Variants in TMPRSS3 observed in about 807,000 individuals in gnomAD.
TMPRSS3 encodes transmembrane protease serine 3.
In TMPRSS3, 55 loss-of-function variants were observed where a neutral mutation model predicts 59.6. That is an observed-to-expected ratio of 0.92 (90% CI 0.74 to 1.16). The LOEUF is 1.16. TMPRSS3 is among the 50% of genes most tolerant of loss of function. The pLI, the probability that TMPRSS3 is intolerant of heterozygous loss-of-function variation, is 0.00. For missense variants in TMPRSS3, 596 were observed against 579.4 expected, an observed-to-expected ratio of 1.03 and a Z score of -0.29; for synonymous variants, 257 against 237.7, an observed-to-expected ratio of 1.08 and a Z score of -0.75.
Position 42,376,531 on chromosome 21 carries a change from G to A in TMPRSS3, c.1191+10C>T, listed in dbSNP as rs201451028. On this transcript the variant is annotated intron_variant, in intron 11 of 12. Coordinates refer to ENST00000644384, the MANE Select transcript of TMPRSS3 (RefSeq NM_001256317.3). ...CTGCCACGGCCTCGCCCACCGCTGC[G>A]GCCCCGTACCTGGCAGCTGTCCACG... 3.1e-4 allele frequency: 501 copies of A among 1,612,762 alleles called. 4 individuals are homozygous for A. Among genetic ancestry groups the A allele is most frequent in the South Asian group, 3.0e-3 (274 of 91,052 alleles).
At position 42,385,392 on chromosome 21, in the gene TMPRSS3, A is replaced by G; in HGVS notation, c.572+17T>C. ...ACTCGATACCTGTGCAGACAACAGC[A>G]TCGCCTGACCACCTACCTCACATAT... On this transcript the variant is annotated intron_variant, in intron 6 of 12. Transcript: ENST00000644384. The G allele has an allele frequency of 1.2e-6, 2 of 1,613,760 alleles. No individual in the cohort carries two copies. The highest frequency in any genetic ancestry group is 1.7e-6 in the Non-Finnish European group (2 of 1,179,878).
intron 6 of TMPRSS3, among the ~76,000 whole-genome samples, chr21:42,385,149 T>C (rs924397159): frequency 8.9e-5 from 12 of 135,320 alleles, no homozygotes; most frequent in African/African-American, 3.4e-4. Flanking sequence ...GCCTGTCACA[T>C]GACAGTACAT....
Position 42,372,987 on chromosome 21 carries a change from G to T in TMPRSS3, c.1345-208C>A, listed in dbSNP as rs574746403. Among the ~76,000 whole-genome samples the T allele has an allele frequency of 1.7e-4, 26 of 152,242 alleles. No individual in the cohort carries two copies. In the South Asian group the frequency reaches 3.5e-3, roughly 21 times the overall value. On this transcript the variant is annotated intron_variant, in intron 12 of 12. Coordinates refer to ENST00000644384, the MANE Select transcript of TMPRSS3 (RefSeq NM_001256317.3). ...GCTCCAACCAGCAATGCATCCGCAG[G>T]TCCCATCTCCGCCCTGCGACAGTTC...
chr21:42,379,865 T>C (rs1219160274), intron 10 of TMPRSS3, among the ~76,000 whole-genome samples: 2 of 152,136 alleles, frequency 1.3e-5, no homozygotes, highest in Non-Finnish European at 2.9e-5. Flanking sequence ...GGGAAACACC[T>C]GCTGTGTTCG....
At chr21:42,390,480 C>A in intron 2 of TMPRSS3, 1 of 203,076 alleles carries the variant, frequency 4.9e-6, no homozygotes, top group Non-Finnish European at 1.0e-5. Context: ...GTAATCCCAA[C>A]ATTTTGGGAA....
chr21:42,382,348 G>T, intron 8 of TMPRSS3, 114 bp from the exon 9 acceptor site: 1 of 939,468 alleles, frequency 1.1e-6, no homozygotes, highest in Non-Finnish European at 1.7e-6. Flanking sequence ...CAGGCAAGAT[G>T]TGGTCCCATC....
At chr21:42,385,565 G>C in intron 5 of TMPRSS3, 31 bp from the exon 6 acceptor site, 1 of 1,613,548 alleles carries the variant, frequency 6.2e-7, no homozygotes, top group Non-Finnish European at 8.5e-7. Flanking sequence ...CAGACCCGAC[G>C]TGGTAACTTT....
At position 42,376,593 on chromosome 21, in the gene TMPRSS3, G is replaced by A. The variant is rs2052433674; in HGVS notation, c.1139C>T (p.Ser380Phe). 1.9e-6 allele frequency: 3 copies of A among 1,614,010 alleles called. No homozygotes were observed. The highest frequency in any genetic ancestry group is 2.2e-5 in the East Asian group (1 of 44,878). ...NHRDVYGGIISPSMLCAGYLT... is the reference protein window; with the variant it reads ...NHRDVYGGIIFPSMLCAGYLT... ...GTAGCCCGCGCAGAGCATGGAGGGG[G>A]AGATGATGCCACCGTACACGTCCCT... Residue 380 changes from serine to phenylalanine, a missense_variant, in exon 11 of 13, where the codon TCC becomes TTC. Transcript: ENST00000644384.
intron 8 of TMPRSS3, 105 bp from the exon 9 acceptor site, chr21:42,382,339 A>G (rs768155199): frequency 4.9e-6 from 5 of 1,027,158 alleles, no homozygotes; most frequent in African/African-American, 1.6e-5. Context: ...AGAGGTTATC[A>G]GGCAAGATGT....
Position 42,383,016 on chromosome 21 carries a change from T to C in TMPRSS3, c.782+17A>G, listed in dbSNP as rs1372109548. The C allele has an allele frequency of 6.2e-6, 10 of 1,613,670 alleles. No individual in the cohort carries two copies. Among genetic ancestry groups the C allele is most frequent in the Middle Eastern group, 1.6e-4 (1 of 6,084 alleles). On this transcript the variant is annotated intron_variant, in intron 8 of 12. Coordinates refer to ENST00000644384, the MANE Select transcript of TMPRSS3 (RefSeq NM_001256317.3). ...AGGAGTGAACAGGGGTCTGGGAAGA[T>C]GGTCAGCAGCACTCACTCATAAACA...
rs930097107 is a variant in TMPRSS3 at position 42,376,765 on chromosome 21, G to T, written c.1049-82C>A. ...GAAGGCGCATGCTGAGACCAGGGGGGTGAGGGAACGAGGGACGAGGGGGAT... is the reference window on the plus strand; with the variant it reads ...GAAGGCGCATGCTGAGACCAGGGGGTTGAGGGAACGAGGGACGAGGGGGAT... On this transcript the variant is annotated intron_variant, in intron 10 of 12. Coordinates refer to ENST00000644384, the MANE Select transcript of TMPRSS3 (RefSeq NM_001256317.3). 246 of 1,600,918 alleles carry T rather than the reference G, an allele frequency of 1.5e-4. 1 individual carries two copies. Among genetic ancestry groups the T allele is most frequent in the Non-Finnish European group, 2.0e-4 (238 of 1,171,776 alleles).
intron 7 of TMPRSS3, chr21:42,383,571 T>C (rs1217278863): frequency 6.0e-6 from 3 of 503,602 alleles, no homozygotes; most frequent in Non-Finnish European, 1.1e-5. Flanking sequence ...CGCACCTCCC[T>C]GACTGCTCCA....
At chr21:42,376,784 G>T in intron 10 of TMPRSS3, 101 bp from the exon 11 acceptor site, 1 of 1,560,588 alleles carries the variant, frequency 6.4e-7, no homozygotes, top group Admixed American at 1.7e-5. Context: ...CGAGGGACGA[G>T]GGGGATGCTC....
intron 8 of TMPRSS3, 38 bp from the exon 9 acceptor site, chr21:42,382,272 G>T: frequency 6.3e-7 from 1 of 1,589,022 alleles, no homozygotes; most frequent in East Asian, 2.2e-5. Context: ...CACAGGAAAA[G>T]TCCAACCACT....
At chr21:42,384,783 G>T (rs985126888) in intron 6 of TMPRSS3, among the ~76,000 whole-genome samples, 17 of 152,140 alleles carry the variant, frequency 1.1e-4, no homozygotes, top group African/African-American at 3.6e-4. Context: ...CTAGATGTCA[G>T]GGAGAGAATA....
chr21:42,387,018 T>C (rs570496462), intron 5 of TMPRSS3, among the ~76,000 whole-genome samples: 9 of 152,182 alleles, frequency 5.9e-5, no homozygotes, highest in African/African-American at 2.2e-4. Flanking sequence ...GATTTCCTTG[T>C]AGAGGGAGCA....
chr21:42,387,153 G>C (rs995723306), intron 5 of TMPRSS3, among the ~76,000 whole-genome samples: 1 of 152,172 alleles, frequency 6.6e-6, no homozygotes, highest in Non-Finnish European at 1.5e-5. Flanking sequence ...ACTTGGGTCT[G>C]CTGGGTGGGG....
rs1042336424 is a variant in TMPRSS3, at chr21:42,372,189, G to C, written c.*573C>G. 4.5e-6 allele frequency: 2 copies of C among 449,156 alleles called. No homozygotes were observed. Among genetic ancestry groups the C allele is most frequent in the South Asian group, 3.1e-5 (2 of 64,176 alleles). 27.8% of individuals were successfully genotyped at this position (449,156 alleles called of 1,614,324 possible). ...TCGTCAGGAATTTTGCAAGACCCCT[G>C]GAGAGAAAACCAGATGGACCAGTGG... is the stretch of plus-strand genomic sequence containing the variant. On this transcript the variant is annotated 3_prime_UTR_variant, in exon 13 of 13. Transcript: ENST00000644384.
At chr21:42,379,415 G>A (rs141122374) in intron 10 of TMPRSS3, among the ~76,000 whole-genome samples, 92 of 152,216 alleles carry the variant, frequency 6.0e-4, no homozygotes, top group Non-Finnish European at 7.2e-4. Context: ...CCATAGACTC[G>A]GCCTCCCAAA....
Sources: gnomAD v4.1 joint callset for allele counts (sites outside exome capture counted in the v4.1 genomes callset) on GRCh38, gnomAD v4.1.1 for gene constraint, MANE v1.5 for transcripts, NCBI Gene and HGNC (gene_info 2026-07-23, HGNC 2026-07-21) for gene names.